Variants in TMPRSS9 observed in about 807,000 individuals in gnomAD.
TMPRSS9 encodes transmembrane protease serine 9.
In TMPRSS9, 113 loss-of-function variants were observed where a neutral mutation model predicts 111.4. The observed-to-expected ratio is 1.01, with a 90% CI of 0.87 to 1.19. TMPRSS9 has a LOEUF of 1.19. TMPRSS9 is among the 50% of genes most tolerant of loss of function. The pLI, the probability that TMPRSS9 is intolerant of heterozygous loss-of-function variation, is 0.00. For missense variants in TMPRSS9, 1,803 were observed against 1,513.1 expected (o/e 1.19, Z -3.18); for synonymous variants, 805 against 659.1 (o/e 1.22, Z -3.39).
chr19:2,391,680 A>G (rs1970600609), intron 1 of TMPRSS9, among the ~76,000 whole-genome samples: 1 of 151,216 alleles, frequency 6.6e-6, no homozygotes, highest in African/African-American at 2.4e-5. Flanking sequence ...TAACAAATAC[A>G]TTTTGGGAAA....
intron 13 of TMPRSS9, among the ~76,000 whole-genome samples, chr19:2,421,479 G>A (rs137997572): frequency 0.016 from 2,454 of 151,754 alleles, 70 homozygotes; most frequent in African/African-American, 0.057. Flanking sequence ...AGTAGAGACG[G>A]GGTTTCACCA....
chr19:2,403,102 T>C (rs1334245975), exon 6 of TMPRSS9: 2 of 1,611,008 alleles, frequency 1.2e-6, no homozygotes, highest in Non-Finnish European at 1.7e-6. Context: ...AGGGAACTCC[T>C]TTTCCTGCGG....
At chr19:2,426,221 G>A (rs557169471) in exon 18 of TMPRSS9, 3 of 1,190,578 alleles carry the variant, frequency 2.5e-6, no homozygotes, top group Non-Finnish European at 3.5e-6. Flanking sequence ...ATGCATTTTG[G>A]TACCACCCTT....
chr19:2,366,182 C>A (rs1970246810), intron 1 of TMPRSS9, among the ~76,000 whole-genome samples: 1 of 151,580 alleles, frequency 6.6e-6, no homozygotes, highest in Non-Finnish European at 1.5e-5. Context: ...CCTGTCTCTA[C>A]CAAAAATTTA....
intron 1 of TMPRSS9, chr19:2,396,041 G>C (rs2145302599): frequency 6.5e-6 from 1 of 152,804 alleles, no homozygotes; most frequent in African/African-American, 2.4e-5. Context: ...AGTGGTTTTT[G>C]AAGATGACCT....
intron 2 of TMPRSS9, 109 bp downstream of exon 3, chr19:2,396,775 T>C: frequency 7.0e-7 from 1 of 1,433,818 alleles, no homozygotes; most frequent in South Asian, 1.4e-5. Flanking sequence ...GCAACGAAGC[T>C]GAGGTGGAGG....
intron 1 of TMPRSS9, among the ~76,000 whole-genome samples, chr19:2,395,898 C>T (rs1326228765): frequency 2.0e-5 from 3 of 152,096 alleles, no homozygotes; most frequent in South Asian, 4.1e-4. Context: ...GTCCCAGCTA[C>T]TCGGGAGGCT....
At chr19:2,363,545 G>A (rs796503208) in intron 1 of TMPRSS9, among the ~76,000 whole-genome samples, 149 of 151,952 alleles carry the variant, frequency 9.8e-4, no homozygotes, top group African/African-American at 3.4e-3. Context: ...GTGGGAGGGA[G>A]TGAGGTCGCG....
At chr19:2,413,879 C>T (rs1433670594) in exon 10 of TMPRSS9, 1 of 1,613,594 alleles carries the variant, frequency 6.2e-7, no homozygotes, top group South Asian at 1.1e-5. Flanking sequence ...CTCTGGCCCC[C>T]ACCATGGCTC....
In TMPRSS9 at chr19:2,425,064, G is replaced by A. The variant is rs780548031; in HGVS notation, c.2780G>A (p.Gly927Glu). 197 of 1,570,756 alleles carry A rather than the reference G, an allele frequency of 1.3e-4. No homozygotes were observed. The highest frequency in any genetic ancestry group is 5.0e-4 in the Middle Eastern group (3 of 6,012). The stretch of plus-strand genomic sequence containing the variant: ...ACGCCGTTCCTGAGCGGCGCGGAGG[G>A]GCAGCTGGAGCGCGTGGCGCGCATC... Residue 927 changes from glycine to glutamate, a missense_variant, in exon 16 of 18, where the codon GGG becomes GAG. Transcript: ENST00000648592.
At chr19:2,405,315 G>GA in intron 6 of TMPRSS9, 59 bp from the exon 8 acceptor site, 1 of 1,514,496 alleles carries the variant, frequency 6.6e-7, no homozygotes, top group Non-Finnish European at 8.8e-7. Context: ...CATGTTCTGG[G>GA]AGTTCAGGGT....
chr19:2,421,017 C>G (rs1040887965), intron 13 of TMPRSS9, among the ~76,000 whole-genome samples: 3 of 151,926 alleles, frequency 2.0e-5, no homozygotes, highest in Non-Finnish European at 4.4e-5. Context: ...CCAGCCTGGC[C>G]GACGTGGTGA....
exon 18 of TMPRSS9, chr19:2,426,160 C>G: frequency 3.1e-6 from 4 of 1,299,690 alleles, no homozygotes; most frequent in Non-Finnish European, 3.0e-6. Context: ...AACACCCCAC[C>G]CCACCGTACC....
rs143302185 is a variant in TMPRSS9 at position 2,415,795 on chromosome 19, G to A, written c.1699G>A (p.Val567Met). The A allele has an allele frequency of 8.7e-4, 1,397 of 1,606,376 alleles. 5 individuals carry two copies. The highest frequency in any genetic ancestry group is 1.2e-3 in the Non-Finnish European group (1,371 of 1,175,752). ...GTCCCGGCACTTCTGCGGAGCAACTGTGGTGGGGGACCGCTGGCTGCTGTC... is the reference window on the plus strand; with the variant it reads ...GTCCCGGCACTTCTGCGGAGCAACTATGGTGGGGGACCGCTGGCTGCTGTC... The change falls in exon 11 of 18, where the codon GTG becomes ATG. Residue 567 changes from valine (V) to methionine (M), a missense_variant. Val to Met is a conservative substitution (Grantham distance 21, BLOSUM62 1). Coordinates refer to ENST00000648592, the Ensembl canonical transcript of TMPRSS9.
At chr19:2,401,648 C>T (rs1007322329) in intron 4 of TMPRSS9, among the ~76,000 whole-genome samples, 8 of 151,872 alleles carry the variant, frequency 5.3e-5, no homozygotes, top group Admixed American at 5.3e-4. Context: ...CGCTCTGTCG[C>T]CCAGGCTGGA....
chr19:2,422,666 G>A lies in TMPRSS9; in HGVS notation c.2548+419G>A, dbSNP rs1326212777. Among the ~76,000 whole-genome samples, 4 of 152,042 alleles carry A rather than the reference G, an allele frequency of 2.6e-5. No individual in the cohort carries two copies. The East Asian group carries it at 5.8e-4, about 22-fold the overall frequency. On this transcript the variant is annotated intron_variant, in intron 14 of 17. Transcript: ENST00000648592. The stretch of plus-strand genomic sequence containing the variant: ...TTTGGGAGGCCAAGGCGGGTGGATC[G>A]CCAGAGGTCAGGAGTTCCAGACCAG...
rs755258120 is a variant in TMPRSS9 at position 2,418,372 on chromosome 19, C to T, written c.2154+234C>T. Among the ~76,000 whole-genome samples the T allele has an allele frequency of 3.2e-4, 19 of 59,414 alleles. 1 individual carries two copies. Among genetic ancestry groups the T allele is most frequent in the African/African-American group, 8.3e-4 (9 of 10,852 alleles). 39.0% of individuals were successfully genotyped at this position (59,414 alleles called of 152,430 possible). A position where few individuals can be genotyped will look rare whatever the true frequency, so the allele number is the denominator to read the frequency against. ...TTCCCTCCCTCCCTCCCTTCCCTTC[C>T]CTCCCTCCCTTTCCTTCCCTCCCTG... On this transcript the variant is annotated intron_variant, in intron 13 of 17. Coordinates refer to ENST00000648592, the Ensembl canonical transcript of TMPRSS9.
At chr19:2,393,746 A>T (rs59218978) in intron 1 of TMPRSS9, among the ~76,000 whole-genome samples, 80,978 of 151,024 alleles carry the variant, frequency 0.54, 22,890 homozygotes, top group Middle Eastern at 0.68. Context: ...TAAAATACAA[A>T]AATTAGCTGG....
upstream of TMPRSS9, among the ~76,000 whole-genome samples, chr19:2,386,190 T>C (rs904081103): frequency 6.6e-6 from 1 of 152,132 alleles, no homozygotes; most frequent in Admixed American, 6.6e-5. Flanking sequence ...ACTCAAGCGA[T>C]TGTCCTGCCG....
Sources: allele counts gnomAD v4.1 joint callset (sites outside exome capture counted in the v4.1 genomes callset), GRCh38; gene constraint gnomAD v4.1.1; transcripts MANE v1.5; gene names NCBI Gene and HGNC (gene_info 2026-07-23, HGNC 2026-07-21).